The following KLHL29 variants were observed in gnomAD, a reference collection of about 807,000 sequenced individuals.
KLHL29 encodes the protein kelch like family member 29, also known as kelch-like protein 29.
A neutral mutation model predicts 80.4 loss-of-function variants in KLHL29; 21 were observed. The ratio of observed to expected loss-of-function variants is 0.26; its 90% CI spans 0.19 to 0.38. The LOEUF (loss-of-function observed/expected upper bound fraction) is 0.38. Among genes scored for constraint, KLHL29 ranks in the 10% least tolerant of loss-of-function variants. The pLI is 1.00. For missense variants in KLHL29, 867 were observed against 1,223.9 expected, an observed-to-expected ratio of 0.71 and a Z score of 4.35; for synonymous variants, 511 against 526.8, an observed-to-expected ratio of 0.97 and a Z score of 0.41.
chr2:23,564,062 G>T (rs1185922736), intron 3 of KLHL29, among the ~76,000 whole-genome samples: 2 of 152,262 alleles, frequency 1.3e-5, no homozygotes, highest in Non-Finnish European at 2.9e-5. Context: ...AATGGCAGCC[G>T]CTGGAACCGA....
chr2:23,549,171 C>T (rs1254894464), intron 2 of KLHL29, among the ~76,000 whole-genome samples: 1 of 152,216 alleles, frequency 6.6e-6, no homozygotes, highest in Non-Finnish European at 1.5e-5. Context: ...GAGGGGAGGA[C>T]CCCAGCGGGG....
intron 3 of KLHL29, among the ~76,000 whole-genome samples, chr2:23,597,624 C>T (rs1668462146): frequency 6.6e-6 from 1 of 151,358 alleles, no homozygotes. Flanking sequence ...GGGGTTTCAC[C>T]GTGTCGGCCA....
In KLHL29 at chr2:23,401,691, G is replaced by A. The variant is rs943271505; in HGVS notation, c.-154+15911G>A. Among the ~76,000 whole-genome samples the A allele has an allele frequency of 3.3e-5, 5 of 152,204 alleles. No individual in the cohort carries two copies. The South Asian group carries it at 1.0e-3, about 32-fold the overall frequency. On this transcript the variant is annotated intron_variant, in intron 1 of 13. Coordinates refer to ENST00000486442, the MANE Select transcript of KLHL29 (RefSeq NM_052920.2). ...CTGCTCCTGCCTGAAGTAGTGGGAG[G>A]GGCAGGAAGGTGCATTGCTGAGCAG...
At chr2:23,612,664 C>T (rs572262676) in intron 3 of KLHL29, among the ~76,000 whole-genome samples, 8 of 152,242 alleles carry the variant, frequency 5.3e-5, no homozygotes, top group African/African-American at 1.9e-4. Context: ...AATTCTTGAA[C>T]CCGGGAGGCT....
At chr2:23,445,533 G>A (rs535832918) in intron 1 of KLHL29, among the ~76,000 whole-genome samples, 3 of 152,344 alleles carry the variant, frequency 2.0e-5, no homozygotes, top group African/African-American at 7.2e-5. Context: ...AGGCTGTTGG[G>A]TTGTTTCCGG....
At chr2:23,536,174 A>G (rs933832530) in intron 2 of KLHL29, among the ~76,000 whole-genome samples, 18 of 152,210 alleles carry the variant, frequency 1.2e-4, no homozygotes, top group Non-Finnish European at 2.1e-4. Context: ...GTGACCACAT[A>G]TCGCGCCACT....
chr2:23,565,158 G>A (rs933339851), intron 3 of KLHL29, among the ~76,000 whole-genome samples: 7 of 152,156 alleles, frequency 4.6e-5, no homozygotes, highest in African/African-American at 9.7e-5. Context: ...TCCTATCACC[G>A]CTGTCACTGT....
At chr2:23,644,659 C>G (rs1669870847) in intron 5 of KLHL29, among the ~76,000 whole-genome samples, 1 of 152,252 alleles carries the variant, frequency 6.6e-6, no homozygotes, top group South Asian at 2.1e-4. Flanking sequence ...TGCAGGACTT[C>G]TGTGCCCACT....
In KLHL29 at chr2:23,385,540, C is replaced by A; in HGVS notation, c.-394C>A. 5.9e-6 allele frequency: 1 copy of A among 169,446 alleles called. No individual in the cohort carries two copies. Among genetic ancestry groups the A allele is most frequent in the South Asian group, 1.8e-4 (1 of 5,628 alleles). 10.5% of individuals were successfully genotyped at this position (169,446 alleles called of 1,614,324 possible). On this transcript the variant is annotated 5_prime_UTR_variant, in exon 1 of 14. Transcript: ENST00000486442. The stretch of plus-strand genomic sequence containing the variant: ...GGCAGGAGGACCGACTTCCCTCTCC[C>A]GGGCATCCTCCCTGGGCTGCCGGGA...
chr2:23,549,094 C>T (rs1667057542), intron 2 of KLHL29, among the ~76,000 whole-genome samples: 1 of 152,206 alleles, frequency 6.6e-6, no homozygotes. Context: ...ATCAGCGTCC[C>T]CGCCTTGGGC....
At chr2:23,571,786 T>A (rs547477417) in intron 3 of KLHL29, among the ~76,000 whole-genome samples, 2 of 152,284 alleles carry the variant, frequency 1.3e-5, no homozygotes, top group East Asian at 3.9e-4. Flanking sequence ...GTTCCAGATA[T>A]ACTGAACCAG....
intron 3 of KLHL29, among the ~76,000 whole-genome samples, chr2:23,622,300 A>C (rs1390917296): frequency 6.6e-6 from 1 of 152,040 alleles, no homozygotes; most frequent in Non-Finnish European, 1.5e-5. Context: ...CACACCCCTC[A>C]TCCTGAAGTC....
intron 2 of KLHL29, among the ~76,000 whole-genome samples, chr2:23,548,575 G>A (rs533730834): frequency 3.9e-5 from 6 of 152,318 alleles, no homozygotes; most frequent in African/African-American, 1.4e-4. Flanking sequence ...GCCAGTGTGC[G>A]ATGCGCCAAC....
intron 5 of KLHL29, among the ~76,000 whole-genome samples, chr2:23,660,574 G>A (rs531344373): frequency 6.6e-6 from 1 of 152,336 alleles, no homozygotes; most frequent in South Asian, 2.1e-4. Context: ...GGTTCTCATA[G>A]CCAAAAAGGG....
At chr2:23,580,477 C>T (rs1227131627) in intron 3 of KLHL29, among the ~76,000 whole-genome samples, 1 of 89,274 alleles carries the variant, frequency 1.1e-5, no homozygotes, top group South Asian at 5.2e-4. Flanking sequence ...AGATCAAGAC[C>T]ATCCTGGCCA....
At chr2:23,641,041 T>A (rs626589) in intron 4 of KLHL29, among the ~76,000 whole-genome samples, 66,418 of 151,704 alleles carry the variant, frequency 0.44, 14,838 homozygotes, top group Middle Eastern at 0.54. Flanking sequence ...TGTCTCCCCA[T>A]CCTCAGTGTA....
intron 3 of KLHL29, among the ~76,000 whole-genome samples, chr2:23,629,372 C>CTT (rs112358380): frequency 6.9e-6 from 1 of 144,950 alleles, no homozygotes. Flanking sequence ...TTGTGATGGG[C>CTT]TTTTTTTTTT....
chr2:23,620,326 T>C (rs1669138876), intron 3 of KLHL29, among the ~76,000 whole-genome samples: 1 of 152,088 alleles, frequency 6.6e-6, no homozygotes, highest in African/African-American at 2.4e-5. Flanking sequence ...CATGGTCATA[T>C]TTACATTTTA....
intron 3 of KLHL29, among the ~76,000 whole-genome samples, chr2:23,597,405 ATATTTTTTTTTTTTTTTTTTT>A (rs1668453601): frequency 3.5e-5 from 1 of 28,692 alleles, no homozygotes; most frequent in African/African-American, 1.3e-4. Flanking sequence ...ATATATATAT[ATATTTTTTTTTTTTTTTTTTT>A]TTTTTTTTTT....
Sources: gnomAD v4.1 joint callset for allele counts (sites outside exome capture counted in the v4.1 genomes callset) on GRCh38, gnomAD v4.1.1 for gene constraint, MANE v1.5 for transcripts, NCBI Gene and HGNC (gene_info 2026-07-23, HGNC 2026-07-21) for gene names.